WWOX: variants seen among roughly 807,000 people sequenced by gnomAD.
WWOX encodes WW domain-containing oxidoreductase.
In WWOX, 69 loss-of-function variants were observed where a neutral mutation model predicts 46.2. The ratio of observed to expected loss-of-function variants is 1.49; its 90% CI spans 1.23 to 1.82. The LOEUF (loss-of-function observed/expected upper bound fraction) is 1.82, where lower values mean the gene tolerates loss of function less well. WWOX is among the 40% of genes most tolerant of loss of function. WWOX has a pLI of 0.00. For synonymous variants in WWOX, 359 were observed against 202.6 expected (o/e 1.77, Z -6.56); for missense variants, 919 against 542.6 (o/e 1.69, Z -6.89).
chr16:78,318,437 C>G (rs2080398516), intron 5 of WWOX, among the ~76,000 whole-genome samples: 2 of 151,704 alleles, frequency 1.3e-5, no homozygotes, highest in African/African-American at 2.4e-5. Context: ...GCAATTCTGT[C>G]AAAAATAATA....
In WWOX at chr16:78,980,157, C is replaced by G. The variant is rs578017148; in HGVS notation, c.1057-231451C>G. Among the ~76,000 whole-genome samples the G allele has an allele frequency of 6.5e-4, 99 of 152,308 alleles. 1 individual carries two copies. In the South Asian group the frequency reaches 0.02, roughly 31 times the overall value. On this transcript the variant is annotated intron_variant, in intron 8 of 8. Coordinates refer to ENST00000566780, the MANE Select transcript of WWOX (RefSeq NM_016373.4). ...CAATCAACCAGTCAATGTGTGCCCCCTTTTCCTCCAACTCCCACCCCAAAT... is the reference window on the plus strand; with the variant it reads ...CAATCAACCAGTCAATGTGTGCCCCGTTTTCCTCCAACTCCCACCCCAAAT...
chr16:78,562,112 T>TATTGATCTCTATCTG (rs2044454246), intron 8 of WWOX, among the ~76,000 whole-genome samples: 1 of 152,174 alleles, frequency 6.6e-6, no homozygotes, highest in Non-Finnish European at 1.5e-5. Flanking sequence ...CAGATAGAGT[T>TATTGATCTCTATCTG]ATCCAAACAA....
At chr16:78,886,007 C>T (rs537111145) in intron 8 of WWOX, among the ~76,000 whole-genome samples, 7 of 150,558 alleles carry the variant, frequency 4.6e-5, no homozygotes, top group Non-Finnish European at 7.4e-5. Flanking sequence ...TTGCTGCAAC[C>T]TCTGCCTCCC....
At chr16:78,428,112 A>T (rs1194406840) in intron 7 of WWOX, among the ~76,000 whole-genome samples, 1 of 152,200 alleles carries the variant, frequency 6.6e-6, no homozygotes, top group Non-Finnish European at 1.5e-5. Flanking sequence ...GTATATATAG[A>T]AATACAAGAT....
At chr16:79,057,307 C>T (rs1457730222) in intron 8 of WWOX, among the ~76,000 whole-genome samples, 1 of 152,176 alleles carries the variant, frequency 6.6e-6, no homozygotes, top group African/African-American at 2.4e-5. Flanking sequence ...GCATGAATTG[C>T]AGTGGAAATC....
At chr16:78,697,382 A>C (rs1030245205) in intron 8 of WWOX, among the ~76,000 whole-genome samples, 4 of 152,164 alleles carry the variant, frequency 2.6e-5, no homozygotes, top group African/African-American at 4.8e-5. Context: ...TGGTATCGCA[A>C]ATGCAACAAA....
chr16:78,998,664 C>T (rs2151359088), intron 8 of WWOX, among the ~76,000 whole-genome samples: 1 of 152,276 alleles, frequency 6.6e-6, no homozygotes. Context: ...AGGTAAGCGG[C>T]TAGCACAGTG....
At chr16:79,077,412 G>A (rs557610017) in intron 8 of WWOX, 1 of 152,138 alleles carries the variant, frequency 6.6e-6, no homozygotes, top group East Asian at 1.9e-4. Flanking sequence ...CATGCACAGA[G>A]ACCTGATGTG....
At chr16:78,989,873 A>T (rs2046851442) in intron 8 of WWOX, among the ~76,000 whole-genome samples, 1 of 150,124 alleles carries the variant, frequency 6.7e-6, no homozygotes, top group Non-Finnish European at 1.5e-5. Context: ...AGAGAGAGAG[A>T]CAGATGGAGG....
chr16:79,149,730 G>T (rs575448422), intron 8 of WWOX, among the ~76,000 whole-genome samples: 1 of 152,172 alleles, frequency 6.6e-6, no homozygotes, highest in Non-Finnish European at 1.5e-5. Flanking sequence ...ATTTAGGACC[G>T]CAGCCAGTGG....
At position 78,412,445 on chromosome 16, in the gene WWOX, G is replaced by T. The variant is rs138282617; in HGVS notation, c.606-12425G>T. The stretch of plus-strand genomic sequence containing the variant: ...GAGCTAAGGGTTTGAAGTCTTCATG[G>T]CGATTTTGTTCGGAGTCATGGATTT... On this transcript the variant is annotated intron_variant, in intron 6 of 8. Transcript: ENST00000566780. 7.8e-3 allele frequency among the ~76,000 whole-genome samples: 1,189 copies of T among 152,282 alleles called. 11 individuals are homozygous for T. The highest frequency in any genetic ancestry group is 0.015 in the South Asian group (73 of 4,820).
At chr16:78,706,197 A>G (rs981929670) in intron 8 of WWOX, among the ~76,000 whole-genome samples, 1 of 152,110 alleles carries the variant, frequency 6.6e-6, no homozygotes, top group Non-Finnish European at 1.5e-5. Flanking sequence ...ATCAAAAAAG[A>G]AAACAGTTTT....
At position 78,980,949 on chromosome 16, in the gene WWOX, A is replaced by G. The variant is rs545799027; in HGVS notation, c.1057-230659A>G. 4.6e-5 allele frequency among the ~76,000 whole-genome samples: 7 copies of G among 152,290 alleles called. No homozygotes were observed. The East Asian group carries it at 5.8e-4, about 13-fold the overall frequency. Reference sequence around the variant, plus strand: ...CAGAAATGTTGAGATCGAGTGATATAAAGTCACAGGGTTGGCCCCACAGTT... The same window carrying G: ...CAGAAATGTTGAGATCGAGTGATATGAAGTCACAGGGTTGGCCCCACAGTT... On this transcript the variant is annotated intron_variant, in intron 8 of 8. Coordinates refer to ENST00000566780, the MANE Select transcript of WWOX (RefSeq NM_016373.4).
Position 79,026,680 on chromosome 16 carries a change from C to T in WWOX, c.1057-184928C>T, listed in dbSNP as rs372541785. On this transcript the variant is annotated intron_variant, in intron 8 of 8. Coordinates refer to ENST00000566780, the MANE Select transcript of WWOX (RefSeq NM_016373.4). ...TCGCCTAGGCTGCAGTGCAGTGGCG[C>T]GATCTCAGCTCACTGCAACCTCCGC... is the stretch of plus-strand genomic sequence containing the variant. Among the ~76,000 whole-genome samples the T allele has an allele frequency of 7.6e-3, 1,071 of 140,502 alleles. 45 individuals are homozygous for T. The highest frequency in any genetic ancestry group is 0.028 in the African/African-American group (1,014 of 36,508). The allele number at this position is 140,502 out of a possible 152,430, so 92.2% of individuals were successfully genotyped here.
intron 8 of WWOX, among the ~76,000 whole-genome samples, chr16:78,536,851 A>G (rs2043770461): frequency 6.6e-6 from 1 of 151,126 alleles, no homozygotes; most frequent in African/African-American, 2.4e-5. Flanking sequence ...CTTAAGGACA[A>G]TGAAAGTCGT....
chr16:79,055,073 G>A (rs530848223), intron 8 of WWOX, among the ~76,000 whole-genome samples: 45 of 152,212 alleles, frequency 3.0e-4, no homozygotes, highest in African/African-American at 9.9e-4. Context: ...TGGTATAAAT[G>A]TTCAATAATA....
intron 4 of WWOX, among the ~76,000 whole-genome samples, chr16:78,138,735 G>A (rs999644003): frequency 1.1e-4 from 16 of 152,316 alleles, no homozygotes; most frequent in South Asian, 4.2e-4. Context: ...GCTGTAGACC[G>A]TAATCAAGCT....
rs78077263 is a variant in WWOX at position 78,123,048 on chromosome 16, C to T, written c.409+7894C>T. Among the ~76,000 whole-genome samples, 1,264 of 152,232 alleles carry T rather than the reference C, an allele frequency of 8.3e-3. 15 individuals carry two copies. The highest frequency in any genetic ancestry group is 0.029 in the African/African-American group (1,216 of 41,502). ...TATAGTTCTGTTCCTCTCAGTCCAT[C>T]TTGCTTTCATTTTGGTTAAATAATG... On this transcript the variant is annotated intron_variant, in intron 4 of 8. Coordinates refer to ENST00000566780, the MANE Select transcript of WWOX (RefSeq NM_016373.4).
At chr16:78,993,861 G>A (rs1048415885) in intron 8 of WWOX, among the ~76,000 whole-genome samples, 7 of 152,322 alleles carry the variant, frequency 4.6e-5, no homozygotes, top group Admixed American at 4.6e-4. Context: ...GGAGCCCGCT[G>A]GTCGGTCACT....
Sources: gnomAD v4.1 joint callset for allele counts (sites outside exome capture counted in the v4.1 genomes callset) on GRCh38, gnomAD v4.1.1 for gene constraint, MANE v1.5 for transcripts, NCBI Gene and HGNC (gene_info 2026-07-23, HGNC 2026-07-21) for gene names.